Variants in CUL5 observed in about 807,000 individuals in gnomAD.
CUL5 encodes the protein cullin 5.
CUL5 carries 26 observed loss-of-function variants against 108.8 expected under a neutral mutation model. The ratio of observed to expected loss-of-function variants is 0.24; its 90% CI spans 0.18 to 0.33. The LOEUF is 0.33. Among genes scored for constraint, CUL5 ranks in the 10% least tolerant of loss-of-function variants. CUL5 has a pLI of 1.00. For synonymous variants in CUL5, 334 were observed against 298.0 expected (o/e 1.12, Z -1.25); for missense variants, 524 against 909.2 (o/e 0.58, Z 5.45).
At chr11:108,013,243 A>G (rs559820370) in intron 1 of CUL5, among the ~76,000 whole-genome samples, 33 of 152,182 alleles carry the variant, frequency 2.2e-4, no homozygotes, top group South Asian at 6.2e-4. Context: ...CCTGTCCCCA[A>G]TAGAATTATT....
At chr11:108,035,323 G>A (rs1265624322) in intron 2 of CUL5, among the ~76,000 whole-genome samples, 1 of 152,170 alleles carries the variant, frequency 6.6e-6, no homozygotes, top group East Asian at 1.9e-4. Context: ...ATTTTGGATA[G>A]TCCCATCAGA....
At chr11:108,027,485 T>C (rs1438557289) in intron 1 of CUL5, among the ~76,000 whole-genome samples, 1 of 152,154 alleles carries the variant, frequency 6.6e-6, no homozygotes, top group Non-Finnish European at 1.5e-5. Flanking sequence ...TAGGTCAGGC[T>C]GGTCTCGAAC....
intron 7 of CUL5, among the ~76,000 whole-genome samples, chr11:108,056,774 T>C (rs17107711): frequency 0.011 from 1,692 of 152,046 alleles, 28 homozygotes; most frequent in African/African-American, 0.038. Context: ...GCAGACCAAG[T>C]AGAGTTACAG....
Position 108,106,837 on chromosome 11 carries a change from A to AG in CUL5, c.*2453_*2454insG, listed in dbSNP as rs386374829. On this transcript the variant is annotated 3_prime_UTR_variant, in exon 19 of 19. Transcript: ENST00000393094. Reference sequence around the variant, plus strand: ...AAAAGAAAATCCAGCCTCCCCCTCCAAAAAAAAAAAAAAAATTTAATTTTT... The same window carrying AG: ...AAAAGAAAATCCAGCCTCCCCCTCCAGAAAAAAAAAAAAAAATTTAATTTTT... The AG allele has an allele frequency of 1.8e-4, 2 of 11,410 alleles. No homozygotes were observed. The highest frequency in any genetic ancestry group is 0.038 in the Middle Eastern group (1 of 26). The allele number at this position is 11,410 out of a possible 1,614,324, so 0.7% of individuals were successfully genotyped here.
chr11:108,012,745 C>A (rs1008054287), intron 1 of CUL5, among the ~76,000 whole-genome samples: 3 of 151,930 alleles, frequency 2.0e-5, no homozygotes, highest in African/African-American at 7.3e-5. Context: ...TACAGGCACA[C>A]GCCACCACAC....
At chr11:108,097,810 G>T in intron 17 of CUL5, 56 bp downstream of exon 17, 1 of 940,612 alleles carries the variant, frequency 1.1e-6, no homozygotes. Flanking sequence ...TTAGCACTTT[G>T]TTTTTTGCAA....
chr11:108,083,501 C>T (rs1864149573), intron 11 of CUL5, among the ~76,000 whole-genome samples: 1 of 152,184 alleles, frequency 6.6e-6, no homozygotes, highest in South Asian at 2.1e-4. Context: ...TAAAGTAGAA[C>T]ATTTCTAGGC....
At chr11:108,058,517 G>T (rs1193069369) in intron 7 of CUL5, among the ~76,000 whole-genome samples, 1 of 151,542 alleles carries the variant, frequency 6.6e-6, no homozygotes. Context: ...CAAAGTGCTG[G>T]GATTACAGAC....
intron 1 of CUL5, among the ~76,000 whole-genome samples, chr11:108,029,482 G>C (rs1242785421): frequency 1.3e-5 from 2 of 152,196 alleles, no homozygotes; most frequent in African/African-American, 4.8e-5. Context: ...AGATGAGGCA[G>C]CCTTCAGTCA....
intron 3 of CUL5, among the ~76,000 whole-genome samples, chr11:108,046,833 C>A (rs184273642): frequency 2.6e-5 from 4 of 152,226 alleles, no homozygotes; most frequent in Non-Finnish European, 5.9e-5. Flanking sequence ...ATGTATAAAT[C>A]AAAAATTTTG....
At position 108,088,518 on chromosome 11, in the gene CUL5, G is replaced by A. The variant is rs1565266355; in HGVS notation, c.1179-9G>A. The A allele has an allele frequency of 1.5e-5, 24 of 1,578,922 alleles. No homozygotes were observed. The South Asian group carries it at 2.6e-4, about 17-fold the overall frequency. On this transcript the variant is annotated splice_polypyrimidine_tract_variant and intron_variant, in intron 11 of 18. Transcript: ENST00000393094. Reference sequence around the variant, plus strand: ...TTTTTCCATCAACTGCTTTTAATTTGTTTTTTAGGGTGGGATTAAAAACTC... The same window carrying A: ...TTTTTCCATCAACTGCTTTTAATTTATTTTTTAGGGTGGGATTAAAAACTC...
intron 2 of CUL5, among the ~76,000 whole-genome samples, chr11:108,035,062 A>C (rs1223787917): frequency 6.6e-6 from 1 of 152,162 alleles, no homozygotes; most frequent in East Asian, 1.9e-4. Context: ...AGGAGGGGTG[A>C]CAGGAAAGAG....
intron 11 of CUL5, among the ~76,000 whole-genome samples, chr11:108,081,629 G>A (rs1266308948): frequency 1.3e-5 from 2 of 152,102 alleles, no homozygotes; most frequent in Non-Finnish European, 1.5e-5. Flanking sequence ...GCGGGCACCT[G>A]TAGTCCCAGC....
chr11:108,026,863 C>T (rs1862463558), intron 1 of CUL5, among the ~76,000 whole-genome samples: 1 of 151,702 alleles, frequency 6.6e-6, no homozygotes, highest in African/African-American at 2.4e-5. Flanking sequence ...GTGGCGGGCA[C>T]CTGTATTCCC....
intron 7 of CUL5, 56 bp downstream of exon 7, chr11:108,055,011 G>A: frequency 8.5e-7 from 1 of 1,178,012 alleles, no homozygotes; most frequent in South Asian, 1.4e-5. Context: ...CGGAAGCATA[G>A]GAATGGCAAA....
chr11:108,046,238 TTAA>T, intron 2 of CUL5, 29 bp from the exon 3 acceptor site: 1 of 1,413,052 alleles, frequency 7.1e-7, no homozygotes, highest in South Asian at 1.2e-5. Flanking sequence ...TGTTTCATTA[TTAA>T]TGTTTGTTTA....
Position 108,078,234 on chromosome 11 carries a change from A to C in CUL5, c.1172A>C (p.Gln391Pro). 6.4e-7 allele frequency: 1 copy of C among 1,566,296 alleles called. No homozygotes were observed. ...TTTAAACTTGAATTACCTTTGAAGC[A>C]GAAGGGGTAAGTTTTTTAAAACCAT... ...TIFKLELPLK[Q>P]KGVGLKTQPE... The change falls in exon 11 of 19, where the codon CAG becomes CCG. Residue 391 changes from glutamine to proline, a missense_variant. Gln to Pro is a moderately conservative substitution (Grantham distance 76). This residue lies in a region of CUL5 where 76 missense variants were observed against 168.3 expected (regional missense o/e 0.45). Coordinates refer to ENST00000393094, the MANE Select transcript of CUL5 (RefSeq NM_003478.6).
chr11:108,094,918 A>T lies in CUL5; in HGVS notation c.1674A>T (p.Val558=). The T allele has an allele frequency of 6.2e-7, 1 of 1,613,550 alleles. No individual in the cohort carries two copies. ...PTELEDLIPE[V]EEFYKKNHSG... is the part of the protein sequence containing the mutation. ...AACTGGAGGACTTGATACCGGAAGT[A>T]GAAGAATTCTACAAAAAAAATCATA... is the stretch of plus-strand genomic sequence containing the variant. Residue 558 remains valine (V), a synonymous_variant, in exon 15 of 19, where the codon GTA becomes GTT. Coordinates refer to ENST00000393094, the MANE Select transcript of CUL5 (RefSeq NM_003478.6).
chr11:108,056,352 A>G (rs1268205409), intron 7 of CUL5, among the ~76,000 whole-genome samples: 2 of 151,874 alleles, frequency 1.3e-5, no homozygotes, highest in African/African-American at 2.4e-5. Flanking sequence ...ATTTTTTTTT[A>G]CTTTTGACTT....
Sources: gnomAD v4.1 joint callset for allele counts (sites outside exome capture counted in the v4.1 genomes callset) on GRCh38, gnomAD v4.1.1 for gene constraint, gnomAD v4.1.1 regional missense constraint, MANE v1.5 for transcripts, NCBI Gene and HGNC (gene_info 2026-07-23, HGNC 2026-07-21) for gene names.